Variants in PLCH2 observed in about 807,000 individuals in gnomAD.
PLCH2 encodes 1-phosphatidylinositol 4,5-bisphosphate phosphodiesterase eta-2.
PLCH2 carries 98 observed loss-of-function variants against 134.7 expected under a neutral mutation model. That is an observed-to-expected ratio of 0.73 (90% confidence interval 0.62 to 0.86). The LOEUF (loss-of-function observed/expected upper bound fraction) is 0.86. Ranked by LOEUF, PLCH2 falls within the 40% of genes least tolerant of loss-of-function variation. The pLI is 0.00. For missense variants in PLCH2, 1,994 were observed against 1,986.6 expected, an observed-to-expected ratio of 1.00 and a Z score of -0.07; for synonymous variants, 974 against 827.5, an observed-to-expected ratio of 1.18 and a Z score of -3.04.
At chr1:2,458,788 G>A (rs370664196) in intron 2 of PLCH2, among the ~76,000 whole-genome samples, 1 of 152,206 alleles carries the variant, frequency 6.6e-6, no homozygotes, top group African/African-American at 2.4e-5. Flanking sequence ...TCGAGGCCAC[G>A]TTTCATTCCC....
At chr1:2,476,061 C>T (rs890624523), upstream of PLCH2, among the ~76,000 whole-genome samples, 1 of 152,220 alleles carries the variant, frequency 6.6e-6, no homozygotes, top group Admixed American at 6.5e-5. Flanking sequence ...CAGTACCCTG[C>T]AGGCCTTCCG....
At chr1:2,430,804 G>C (rs530172453) in intron 2 of PLCH2, among the ~76,000 whole-genome samples, 1 of 152,392 alleles carries the variant, frequency 6.6e-6, no homozygotes, top group South Asian at 2.1e-4. Flanking sequence ...CCCCAGGGCA[G>C]GTGGGGCCGC....
chr1:2,503,731 G>A, intron 21 of PLCH2, 191 bp from the exon 22 acceptor site: 2 of 619,042 alleles, frequency 3.2e-6, no homozygotes, highest in South Asian at 1.8e-5. Flanking sequence ...GGCCCCAGCA[G>A]CAGCAGGGTG....
chr1:2,491,100 G>T, intron 10 of PLCH2, 92 bp from the exon 11 acceptor site: 5 of 1,266,330 alleles, frequency 3.9e-6, no homozygotes, highest in Non-Finnish European at 5.5e-6. Flanking sequence ...TGAGCCTGGG[G>T]TGGGCAGAGT....
chr1:2,433,915 C>T (rs1176351634), intron 2 of PLCH2, among the ~76,000 whole-genome samples: 1 of 152,204 alleles, frequency 6.6e-6, no homozygotes, highest in Non-Finnish European at 1.5e-5. Context: ...TCCCTTCAAA[C>T]GTTTGAATTT....
chr1:2,495,447 G>A, intron 12 of PLCH2, 41 bp from the exon 13 acceptor site: 3 of 1,531,536 alleles, frequency 2.0e-6, no homozygotes, highest in Non-Finnish European at 2.7e-6. Flanking sequence ...GCCTGGCCTG[G>A]GCCAGAGGCC....
In PLCH2 at chr1:2,494,462, C is replaced by T. The variant is rs1035217091; in HGVS notation, c.1660-394C>T. On this transcript the variant is annotated intron_variant, in intron 11 of 21. Coordinates refer to ENST00000378486, the MANE Select transcript of PLCH2 (RefSeq NM_014638.4). ...CCGTGGAATGCTCGTAAAAGGGTTGCGCAAGCAGGCCTGGCCGAGCAGTAT... is the reference window on the plus strand; with the variant it reads ...CCGTGGAATGCTCGTAAAAGGGTTGTGCAAGCAGGCCTGGCCGAGCAGTAT... 1.9e-5 allele frequency: 6 copies of T among 319,358 alleles called. 1 individual carries two copies. Among genetic ancestry groups the T allele is most frequent in the South Asian group, 5.5e-5 (2 of 36,084 alleles). The allele number at this position is 319,358 out of a possible 1,614,324, so 19.8% of individuals were successfully genotyped here. A position where few individuals can be genotyped will look rare whatever the true frequency, so the allele number is the denominator to read the frequency against.
chr1:2,422,547 A>T (rs1244260704), upstream of PLCH2, among the ~76,000 whole-genome samples: 3 of 152,156 alleles, frequency 2.0e-5, no homozygotes, highest in Non-Finnish European at 2.9e-5. Flanking sequence ...CCCGGACTGG[A>T]TGAATGGTAG....
chr1:2,498,539 C>G lies in PLCH2; in HGVS notation c.2241C>G (p.Asn747Lys). ...TCCCCTCAGGCGTGTTCAACCCCAA[C>G]TCGGAGGACCCCCTGCCCGGGCAGC... Reference protein sequence around the residue: ...GCMCQGVFNPNSEDPLPGQLK... With the variant: ...GCMCQGVFNPKSEDPLPGQLK... The change falls in exon 17 of 22, where the codon AAC (asparagine) becomes AAG (lysine). Residue 747 changes from asparagine to lysine, a missense_variant. By Grantham distance (94) the Asn-to-Lys change is moderately conservative. Coordinates refer to ENST00000378486, the MANE Select transcript of PLCH2 (RefSeq NM_014638.4). The surrounding 1 kb of genome is among the most constrained non-coding windows in gnomAD (Gnocchi z 5.4). 4 of 1,608,038 alleles carry G rather than the reference C, an allele frequency of 2.5e-6. No individual in the cohort carries two copies. The highest frequency in any genetic ancestry group is 3.4e-6 in the Non-Finnish European group (4 of 1,178,920).
chr1:2,427,085 G>T (rs958663119), intron 1 of PLCH2, among the ~76,000 whole-genome samples: 1 of 152,230 alleles, frequency 6.6e-6, no homozygotes, highest in Non-Finnish European at 1.5e-5. Flanking sequence ...CTTGGCCGGG[G>T]GTCTCCATAC....
chr1:2,435,121 A>T (rs1413683429), intron 2 of PLCH2, among the ~76,000 whole-genome samples: 2 of 152,184 alleles, frequency 1.3e-5, no homozygotes, highest in African/African-American at 4.8e-5. Flanking sequence ...GCTGCAGAGA[A>T]GTGGGCAGTC....
chr1:2,435,018 G>C (rs916813181), intron 2 of PLCH2, among the ~76,000 whole-genome samples: 1 of 152,228 alleles, frequency 6.6e-6, no homozygotes, highest in Non-Finnish European at 1.5e-5. Flanking sequence ...GCGAGCCTCA[G>C]CATGCAGCAG....
At chr1:2,425,407 G>A (rs1012851656), upstream of PLCH2, among the ~76,000 whole-genome samples, 1 of 152,196 alleles carries the variant, frequency 6.6e-6, no homozygotes, top group African/African-American at 2.4e-5. Context: ...CTCGGCTGTT[G>A]TGAACAGTGT....
chr1:2,483,431 C>A (rs1165874532), intron 4 of PLCH2, among the ~76,000 whole-genome samples: 2 of 152,204 alleles, frequency 1.3e-5, no homozygotes. Flanking sequence ...GCTGCCCCTG[C>A]CTGAAATGTT....
upstream of PLCH2, among the ~76,000 whole-genome samples, chr1:2,421,928 C>T (rs977359088): frequency 6.6e-6 from 1 of 151,866 alleles, no homozygotes; most frequent in Non-Finnish European, 1.5e-5. Context: ...GAGCCAAGAT[C>T]ACGCCACTAC....
chr1:2,499,729 C>G lies in PLCH2; in HGVS notation c.2661+9C>G. 6.4e-7 allele frequency: 1 copy of G among 1,561,634 alleles called. No individual in the cohort carries two copies. Among genetic ancestry groups the G allele is most frequent in the Middle Eastern group, 1.7e-4 (1 of 5,864 alleles). On this transcript the variant is annotated intron_variant, in intron 20 of 21. Transcript: ENST00000378486. The stretch of plus-strand genomic sequence containing the variant: ...GTGACATCAGCGGTAAGGTGAGTGT[C>G]ACCCCCTGCCACCAGCCATCATGGG...
chr1:2,498,666 CA>C lies in PLCH2; in HGVS notation c.2349+20del. 6.9e-7 allele frequency: 1 copy of C among 1,438,930 alleles called. No individual in the cohort carries two copies. The highest frequency in any genetic ancestry group is 9.5e-7 in the Non-Finnish European group (1 of 1,056,700). 89.1% of individuals were successfully genotyped at this position (1,438,930 alleles called of 1,614,324 possible). A position where few individuals can be genotyped will look rare whatever the true frequency, so the allele number is the denominator to read the frequency against. On this transcript the variant is annotated intron_variant, in intron 17 of 21. Coordinates refer to ENST00000378486, the MANE Select transcript of PLCH2 (RefSeq NM_014638.4). The surrounding 1 kb of genome is among the most constrained non-coding windows in gnomAD (Gnocchi z 5.4). ...TGGGGAGGTGGGGGCCAGCCCCACACAGGCGGGAGGGGTGGGAGTTGGGGGC... is the reference window on the plus strand; with the variant it reads ...TGGGGAGGTGGGGGCCAGCCCCACACGGCGGGAGGGGTGGGAGTTGGGGGC...
At chr1:2,490,130 G>A (rs1362329416) in intron 10 of PLCH2, among the ~76,000 whole-genome samples, 1 of 148,080 alleles carries the variant, frequency 6.8e-6, no homozygotes, top group Non-Finnish European at 1.5e-5. Flanking sequence ...CCCCTGCCCT[G>A]TCCTCTTGGC....
chr1:2,448,543 C>T lies in PLCH2; in HGVS notation c.115+17914C>T, dbSNP rs929643650. On this transcript the variant is annotated intron_variant, in intron 2 of 3. Transcript: ENST00000609981. The surrounding 1 kb of genome is among the most constrained non-coding windows in gnomAD (Gnocchi z 4.0). The stretch of plus-strand genomic sequence containing the variant: ...TTTCACTGAGCACGCCCTCAGAGAC[C>T]CTTTTTCCAAATAAGGCCAAATTCA... 2.0e-5 allele frequency among the ~76,000 whole-genome samples: 3 copies of T among 152,184 alleles called. No homozygotes were observed. Among genetic ancestry groups the T allele is most frequent in the African/African-American group, 4.8e-5 (2 of 41,440 alleles).
Sources: allele counts gnomAD v4.1 joint callset (sites outside exome capture counted in the v4.1 genomes callset), GRCh38; gene constraint gnomAD v4.1.1; non-coding constraint Gnocchi (gnomAD v3.1); transcripts MANE v1.5; gene names NCBI Gene and HGNC (gene_info 2026-07-23, HGNC 2026-07-21).